DNAH11: variants seen among roughly 807,000 people sequenced by gnomAD.
The protein encoded by DNAH11 is dynein axonemal heavy chain 11.
DNAH11 carries 442 observed loss-of-function variants against 526.0 expected under a neutral mutation model. The ratio of observed to expected loss-of-function variants is 0.84; its 90% CI spans 0.78 to 0.91. The LOEUF is 0.91. Ranked by LOEUF, DNAH11 falls within the 40% of genes least tolerant of loss-of-function variation. DNAH11 has a pLI of 0.00. For missense variants in DNAH11, 6,989 were observed against 5,448.7 expected (o/e 1.28, Z -8.90); for synonymous variants, 2,461 against 1,935.9 (o/e 1.27, Z -7.12).
chr7:21,746,997 G>A (rs1211732594), intron 51 of DNAH11, among the ~76,000 whole-genome samples: 2 of 152,186 alleles, frequency 1.3e-5, no homozygotes, highest in Non-Finnish European at 2.9e-5. Flanking sequence ...TAAAAGGTAA[G>A]GCTGTTTCTT....
At chr7:21,638,036 C>G (rs2128460013) in intron 27 of DNAH11, among the ~76,000 whole-genome samples, 1 of 152,208 alleles carries the variant, frequency 6.6e-6, no homozygotes, top group East Asian at 1.9e-4. Flanking sequence ...TGGGATTGCA[C>G]TCCGTTAATG....
intron 31 of DNAH11, among the ~76,000 whole-genome samples, chr7:21,682,725 G>A (rs532476714): frequency 5.3e-5 from 8 of 152,112 alleles, no homozygotes; most frequent in Admixed American, 3.9e-4. Context: ...ATGCCTGTAC[G>A]TATTGTGAAG....
At chr7:21,848,540 G>C (rs2128021031) in intron 66 of DNAH11, among the ~76,000 whole-genome samples, 1 of 151,496 alleles carries the variant, frequency 6.6e-6, no homozygotes, top group South Asian at 2.1e-4. Flanking sequence ...CTCTTCTTCT[G>C]CCATCTTTGG....
At chr7:21,714,856 C>T (rs942008253) in intron 42 of DNAH11, among the ~76,000 whole-genome samples, 7 of 152,130 alleles carry the variant, frequency 4.6e-5, no homozygotes, top group Non-Finnish European at 2.9e-5. Context: ...GACACGTCAT[C>T]CCTAAGTCTG....
At position 21,651,075 on chromosome 7, in the gene DNAH11, C is replaced by A. The variant is rs1249395533; in HGVS notation, c.4945-4757C>A. Among the ~76,000 whole-genome samples, 3 of 151,946 alleles carry A rather than the reference C, an allele frequency of 2.0e-5. No homozygotes were observed. The East Asian group carries it at 5.8e-4, about 29-fold the overall frequency. ...CTAGAGAATATCATCCACAAAAGAC[C>A]AGGGCTGCCCATATTTTGGTCATGA... On this transcript the variant is annotated intron_variant, in intron 28 of 81. Coordinates refer to ENST00000409508, the MANE Select transcript of DNAH11 (RefSeq NM_001277115.2).
chr7:21,627,051 G>A (rs191295224), intron 25 of DNAH11, among the ~76,000 whole-genome samples: 3 of 152,078 alleles, frequency 2.0e-5, no homozygotes, highest in African/African-American at 7.2e-5. Context: ...CCCGGCCTGT[G>A]TGTCTTCTTT....
Position 21,739,427 on chromosome 7 carries a change from CAAAT to C in DNAH11, c.7812-141_7812-138del, listed in dbSNP as rs1354835241. 3.3e-5 allele frequency: 20 copies of C among 601,168 alleles called. No individual in the cohort carries two copies. In the East Asian group the frequency reaches 6.1e-4, roughly 18 times the overall value. 37.2% of individuals were successfully genotyped at this position (601,168 alleles called of 1,614,324 possible). ...TTTGAGCTTCAGTTTTGATGTCTCT[CAAAT>C]AAGGCTCACTAGGTCAACCTCACAG... On this transcript the variant is annotated intron_variant, in intron 47 of 81. Transcript: ENST00000409508.
rs1583550041 is a variant in DNAH11 at position 21,635,138 on chromosome 7, G to GCCTA, written c.4501-733_4501-732insCCTA. Among the ~76,000 whole-genome samples, 3 of 146,546 alleles carry GCCTA rather than the reference G, an allele frequency of 2.0e-5. No homozygotes were observed. The East Asian group carries it at 6.0e-4, about 29-fold the overall frequency. ...TGGAGGGCCTAGCAGGCTGGTGGGG[G>GCCTA]GCAGTTTGTTTGTTTGTTTGTTTGT... On this transcript the variant is annotated intron_variant, in intron 25 of 81. Transcript: ENST00000409508.
chr7:21,574,248 C>T (rs942709825), intron 8 of DNAH11, among the ~76,000 whole-genome samples: 3 of 152,162 alleles, frequency 2.0e-5, no homozygotes, highest in Non-Finnish European at 4.4e-5. Context: ...TGAAATCCCT[C>T]AGATACCTAA....
At chr7:21,687,059 CATATT>C (rs1783403991) in intron 32 of DNAH11, 35 bp from the exon 33 acceptor site, 2 of 1,570,776 alleles carry the variant, frequency 1.3e-6, no homozygotes, top group African/African-American at 1.4e-5. Context: ...ATGAAAATCT[CATATT>C]AGACTGTGAT....
At position 21,765,610 on chromosome 7, in the gene DNAH11, TCACACACACACACACACA is replaced by T. The variant is rs3219983; in HGVS notation, c.9102+53_9102+70del. ...TTGAGGTATGCCGTGTCAGCCTGCG[TCACACACACACACACACA>T]CACACACACACACACACACACACAC... On this transcript the variant is annotated intron_variant, in intron 55 of 81. Transcript: ENST00000409508. The T allele has an allele frequency of 0.2, 189,408 of 954,142 alleles. 8,616 individuals are homozygous for T. The highest frequency in any genetic ancestry group is 0.38 in the East Asian group (13,688 of 35,828). 59.1% of individuals were successfully genotyped at this position (954,142 alleles called of 1,614,324 possible). A position where few individuals can be genotyped will look rare whatever the true frequency, so the allele number is the denominator to read the frequency against.
chr7:21,765,869 G>C (rs1787164746), intron 55 of DNAH11, among the ~76,000 whole-genome samples: 1 of 152,206 alleles, frequency 6.6e-6, no homozygotes, highest in Admixed American at 6.5e-5. Context: ...TCTCACTCAT[G>C]CACTGACTCA....
chr7:21,900,986 ACCGCTGTGTTTTTGCCATAGGCGC>A lies in DNAH11; in HGVS notation c.13304-14_13313del. 4.5e-6 allele frequency: 7 copies of A among 1,555,370 alleles called. No homozygotes were observed. Among genetic ancestry groups the A allele is most frequent in the Non-Finnish European group, 6.1e-6 (7 of 1,151,680 alleles). On this transcript the variant is annotated splice_acceptor_variant and splice_polypyrimidine_tract_variant and coding_sequence_variant and intron_variant, in exon 82 of 82. Transcript: ENST00000409508. LOFTEE classifies it high-confidence loss of function. ...AGTAGCAAGCTGCCACACAATTGCAACCGCTGTGTTTTTGCCATAGGCGCCCGCTGGGACACCCAAGCAGGAACC... is the reference window on the plus strand; with the variant it reads ...AGTAGCAAGCTGCCACACAATTGCAACCGCTGGGACACCCAAGCAGGAACC...
chr7:21,721,502 G>GGGA (rs1429062738), intron 44 of DNAH11, among the ~76,000 whole-genome samples: 1 of 152,088 alleles, frequency 6.6e-6, no homozygotes, highest in East Asian at 1.9e-4. Flanking sequence ...CACAGTTCTG[G>GGGA]GGACCAAAAG....
chr7:21,725,789 G>C (rs773913810), intron 44 of DNAH11, 22 bp from the exon 45 acceptor site: 1 of 1,596,736 alleles, frequency 6.3e-7, no homozygotes, highest in Non-Finnish European at 8.5e-7. Flanking sequence ...TCTGCAATAA[G>C]GATTTCTTTT....
chr7:21,827,272 TC>T (rs1169224150), intron 65 of DNAH11, among the ~76,000 whole-genome samples: 1 of 152,160 alleles, frequency 6.6e-6, no homozygotes, highest in African/African-American at 2.4e-5. Flanking sequence ...TTTATATCAA[TC>T]GACAGCAAAT....
chr7:21,709,520 A>T lies in DNAH11; in HGVS notation c.6684-1033A>T, dbSNP rs576498657. On this transcript the variant is annotated intron_variant, in intron 40 of 81. Coordinates refer to ENST00000409508, the MANE Select transcript of DNAH11 (RefSeq NM_001277115.2). ...GGCACCATTTGTATCCCAAACCTCA[A>T]TGTCACACAGTATACCCATGCAACA... Among the ~76,000 whole-genome samples the T allele has an allele frequency of 3.3e-5, 5 of 152,182 alleles. No individual in the cohort carries two copies. In the East Asian group the frequency reaches 7.7e-4, roughly 23 times the overall value.
intron 61 of DNAH11, among the ~76,000 whole-genome samples, chr7:21,791,257 T>C (rs530820867): frequency 1.2e-4 from 18 of 152,324 alleles, no homozygotes; most frequent in African/African-American, 4.3e-4. Context: ...AAGGTGGCCA[T>C]GTGTGATTTG....
Position 21,589,441 on chromosome 7 carries a change from C to T in DNAH11, c.2169+38C>T, listed in dbSNP as rs375461989. 3.1e-5 allele frequency: 46 copies of T among 1,492,706 alleles called. No homozygotes were observed. The South Asian group carries it at 4.4e-4, about 14-fold the overall frequency. 92.5% of individuals were successfully genotyped at this position (1,492,706 alleles called of 1,614,324 possible). On this transcript the variant is annotated intron_variant, in intron 12 of 81. Coordinates refer to ENST00000409508, the MANE Select transcript of DNAH11 (RefSeq NM_001277115.2). ...TTTTTTAAGATGATTTATAAGTGCC[C>T]TTTTTATTATAAGCCTATTTCTGAT...
Sources: allele counts gnomAD v4.1 joint callset (sites outside exome capture counted in the v4.1 genomes callset), GRCh38; gene constraint gnomAD v4.1.1; transcripts MANE v1.5; gene names NCBI Gene and HGNC (gene_info 2026-07-23, HGNC 2026-07-21).